ORM1: variants seen among roughly 807,000 people sequenced by gnomAD.
The protein encoded by ORM1 is alpha-1-acid glycoprotein 1.
A neutral mutation model predicts 26.9 loss-of-function variants in ORM1; 13 were observed. The ratio of observed to expected loss-of-function variants is 0.48; its 90% CI spans 0.31 to 0.77. The LOEUF (loss-of-function observed/expected upper bound fraction) is 0.77. Among genes scored for constraint, ORM1 ranks in the 30% least tolerant of loss-of-function variants. The pLI is 0.04. For synonymous variants in ORM1, 76 were observed against 102.2 expected (o/e 0.74, Z 1.55); for missense variants, 189 against 246.8 (o/e 0.77, Z 1.57).
At position 114,323,794 on chromosome 9, in the gene ORM1, G is replaced by A. The variant is rs754533593; in HGVS notation, c.246G>A (p.Glu82=). ...CAGAGGACACGATCTTTCTCAGAGA[G>A]TACCAGACCCGGTGAGAGCCCCCAT... ...NKTEDTIFLR[E]YQTRQDQCIY... The change falls in exon 2 of 6, where the codon GAG becomes GAA. Residue 82 remains glutamate, a synonymous_variant. Transcript: ENST00000259396. The A allele has an allele frequency of 3.1e-6, 5 of 1,614,098 alleles. No individual in the cohort carries two copies. In the South Asian group the frequency reaches 3.3e-5, roughly 11 times the overall value.
chr9:114,325,845 T>C (rs777350964), intron 5 of ORM1, among the ~76,000 whole-genome samples: 416 of 151,544 alleles, frequency 2.7e-3, no homozygotes, highest in African/African-American at 6.1e-3. Context: ...CCATCTGCAG[T>C]CCCAGGATCC....
intron 3 of ORM1, 66 bp downstream of exon 3, chr9:114,324,154 G>A (rs1829731674): frequency 7.0e-7 from 1 of 1,432,746 alleles, no homozygotes; most frequent in Non-Finnish European, 9.8e-7. Flanking sequence ...TAAGGTGGGG[G>A]CTGGATGTAG....
Position 114,323,794 on chromosome 9 carries a change from G to C in ORM1, c.246G>C (p.Glu82Asp), listed in dbSNP as rs754533593. ...CAGAGGACACGATCTTTCTCAGAGAGTACCAGACCCGGTGAGAGCCCCCAT... is the reference window on the plus strand; with the variant it reads ...CAGAGGACACGATCTTTCTCAGAGACTACCAGACCCGGTGAGAGCCCCCAT... The part of the protein sequence containing the change: ...NKTEDTIFLR[E>D]YQTRQDQCIY... The change falls in exon 2 of 6, where the codon GAG (glutamate) becomes GAC (aspartate). Residue 82 changes from glutamate to aspartate, a missense_variant. By Grantham distance (45) the Glu-to-Asp change is conservative (BLOSUM62 2). Around this residue, in one of 3 missense-constraint regions of ORM1, gnomAD observed 163 missense variants for 157.7 expected, o/e 1.03. Transcript: ENST00000259396. 1 of 1,614,098 alleles carries C rather than the reference G, an allele frequency of 6.2e-7. No individual in the cohort carries two copies. The highest frequency in any genetic ancestry group is 1.1e-5 in the South Asian group (1 of 91,082).
At position 114,324,797 on chromosome 9, in the gene ORM1, C is replaced by T. The variant is rs1167933599; in HGVS notation, c.336C>T (p.Gly112=). 4.3e-6 allele frequency: 7 copies of T among 1,613,444 alleles called. No individual in the cohort carries two copies. The highest frequency in any genetic ancestry group is 5.9e-6 in the Non-Finnish European group (7 of 1,179,388). The change falls in exon 4 of 6, where the codon GGC becomes GGT. Residue 112 remains glycine, a synonymous_variant. Transcript: ENST00000259396. The part of the protein sequence containing the change: ...ENGTISRYVG[G]QEHFAHLLIL... ...GCTCCTTTTCTCTTCCAGTGGGAGGCCAAGAGCATTTCGCTCACTTGCTGA... is the reference window on the plus strand; with the variant it reads ...GCTCCTTTTCTCTTCCAGTGGGAGGTCAAGAGCATTTCGCTCACTTGCTGA...
At chr9:114,325,765 T>A (rs938368580) in intron 5 of ORM1, among the ~76,000 whole-genome samples, 9 of 152,166 alleles carry the variant, frequency 5.9e-5, no homozygotes, top group African/African-American at 2.2e-4. Context: ...TCCATGACTA[T>A]TCAAAGAAAA....
intron 3 of ORM1, 68 bp from the exon 4 acceptor site, chr9:114,324,722 C>A: frequency 7.5e-7 from 1 of 1,325,992 alleles, no homozygotes; most frequent in South Asian, 1.3e-5. Context: ...CCTAGGCCTC[C>A]TCACCTGTAA....
In ORM1 at chr9:114,324,035, A is replaced by G. The variant is rs1385478059; in HGVS notation, c.275A>G (p.Tyr92Cys). 12 of 1,613,900 alleles carry G rather than the reference A, an allele frequency of 7.4e-6. No individual in the cohort carries two copies. The highest frequency in any genetic ancestry group is 1.0e-5 in the Non-Finnish European group (12 of 1,180,006). ...EYQTRQDQCI[Y>C]NTTYLNVQRE... Reference sequence around the variant, plus strand: ...GGCTTTAGACAGGACCAGTGCATCTATAACACCACCTACCTGAATGTCCAG... The same window carrying G: ...GGCTTTAGACAGGACCAGTGCATCTGTAACACCACCTACCTGAATGTCCAG... Residue 92 changes from tyrosine (Y) to cysteine (C), a missense_variant, in exon 3 of 6, where the codon TAT becomes TGT. Tyr to Cys is a radical substitution (Grantham distance 194, BLOSUM62 -2). Transcript: ENST00000259396.
At chr9:114,325,309 C>G (rs1292207642) in intron 5 of ORM1, 157 bp downstream of exon 5, 18 of 635,428 alleles carry the variant, frequency 2.8e-5, no homozygotes, top group Non-Finnish European at 4.6e-5. Context: ...CTGAGCTCTA[C>G]AGAGGCCCAG....
intron 2 of ORM1, 52 bp from the exon 3 acceptor site, chr9:114,323,966 G>A: frequency 6.2e-7 from 1 of 1,606,578 alleles, no homozygotes; most frequent in Non-Finnish European, 8.5e-7. Flanking sequence ...TGGGCGATTG[G>A]CCACTTCTCA....
At chr9:114,325,505 A>G (rs1766093) in intron 5 of ORM1, among the ~76,000 whole-genome samples, 43,471 of 146,350 alleles carry the variant, frequency 0.3, 5,160 homozygotes, top group Admixed American at 0.33. Context: ...TCCACTCCCC[A>G]CTCATTTTTA....
intron 5 of ORM1, among the ~76,000 whole-genome samples, chr9:114,326,037 G>A (rs1412605390): frequency 6.7e-6 from 1 of 150,290 alleles, no homozygotes; most frequent in Non-Finnish European, 1.5e-5. Flanking sequence ...GGGCTCGGCA[G>A]GTCCTAAGTG....
intron 1 of ORM1, 187 bp from the exon 2 acceptor site, chr9:114,323,475 TG>T: frequency 1.1e-6 from 1 of 913,186 alleles, no homozygotes; most frequent in Non-Finnish European, 1.8e-6. Flanking sequence ...GGTTCTGTGC[TG>T]GGCCTGGAGG....
chr9:114,323,956 T>C (rs371237234), intron 2 of ORM1, 62 bp from the exon 3 acceptor site: 4 of 1,602,600 alleles, frequency 2.5e-6, no homozygotes, highest in Admixed American at 1.7e-5. Flanking sequence ...AGGACTGTGA[T>C]GGGCGATTGG....
At chr9:114,326,020 A>G (rs1399143597) in intron 5 of ORM1, among the ~76,000 whole-genome samples, 1 of 150,684 alleles carries the variant, frequency 6.6e-6, no homozygotes, top group Non-Finnish European at 1.5e-5. Context: ...CAGGAGCTGC[A>G]GCATAAGGGC....
At chr9:114,325,941 G>T (rs868236247) in intron 5 of ORM1, among the ~76,000 whole-genome samples, 21 of 151,980 alleles carry the variant, frequency 1.4e-4, no homozygotes, top group South Asian at 2.1e-4. Flanking sequence ...AGGGAGCCTC[G>T]AATGGGTCCC....
rs199919088 is a variant in ORM1 at position 114,323,765 on chromosome 9, A to G, written c.217A>G (p.Lys73Glu). Residue 73 changes from lysine to glutamate, a missense_variant, in exon 2 of 6, where the codon AAG becomes GAG. Physicochemically the swap from Lys to Glu is moderately conservative, Grantham distance 56. Coordinates refer to ENST00000259396, the MANE Select transcript of ORM1 (RefSeq NM_000607.4). ...QATFFYFTPNKTEDTIFLREY... is the reference protein window; with the variant it reads ...QATFFYFTPNETEDTIFLREY... ...AACCTTCTTTTACTTCACCCCCAAC[A>G]AGACAGAGGACACGATCTTTCTCAG... 202 of 1,613,848 alleles carry G rather than the reference A, an allele frequency of 1.3e-4. 2 individuals are homozygous for G. Among genetic ancestry groups the G allele is most frequent in the Non-Finnish European group, 1.7e-6 (2 of 1,179,966 alleles).
chr9:114,323,863 A>C (rs1415557432), intron 2 of ORM1, 58 bp downstream of exon 2: 21 of 1,610,420 alleles, frequency 1.3e-5, no homozygotes, highest in Non-Finnish European at 8.5e-7. Flanking sequence ...AGACCTGAGC[A>C]AGTCCCTCCT....
chr9:114,324,408 A>C (rs1464091847), intron 3 of ORM1, among the ~76,000 whole-genome samples: 1 of 152,174 alleles, frequency 6.6e-6, no homozygotes, highest in Non-Finnish European at 1.5e-5. Context: ...CCAATGGTAG[A>C]AGCCTGTATG....
chr9:114,324,361 G>T (rs1588922543), intron 3 of ORM1, among the ~76,000 whole-genome samples: 1 of 152,250 alleles, frequency 6.6e-6, no homozygotes, highest in Middle Eastern at 3.4e-3. Flanking sequence ...CTTCAGATCT[G>T]CCTCTCTCTC....
Sources: allele counts gnomAD v4.1 joint callset (sites outside exome capture counted in the v4.1 genomes callset), GRCh38; gene constraint gnomAD v4.1.1; regional missense constraint gnomAD v4.1.1; transcripts MANE v1.5; gene names NCBI Gene and HGNC (gene_info 2026-07-23, HGNC 2026-07-21).